SCN11A: variants seen among roughly 807,000 people sequenced by gnomAD.
SCN11A encodes sodium voltage-gated channel alpha subunit 11, also known as sodium channel protein type 11 subunit alpha.
A neutral mutation model predicts 162.2 loss-of-function variants in SCN11A; 122 were observed. The observed-to-expected ratio is 0.75, with a 90% confidence interval of 0.65 to 0.87. The LOEUF is 0.87. Among genes scored for constraint, SCN11A ranks in the 40% least tolerant of loss-of-function variants. SCN11A has a pLI of 0.00. For synonymous variants in SCN11A, 758 were observed against 751.5 expected (o/e 1.01, Z -0.14); for missense variants, 2,015 against 2,181.6 (o/e 0.92, Z 1.52).
chr3:38,990,229 C>T (rs35466074), intron 2 of SCN11A, among the ~76,000 whole-genome samples: 16,891 of 152,164 alleles, frequency 0.11, 987 homozygotes, highest in Admixed American at 0.15. Flanking sequence ...CACTCCATCT[C>T]GACTTATCCG....
intron 28 of SCN11A, among the ~76,000 whole-genome samples, chr3:38,857,962 C>A (rs1435643807): frequency 2.0e-5 from 3 of 152,088 alleles, no homozygotes; most frequent in Admixed American, 2.0e-4. Context: ...GAATTCATCA[C>A]CACCAAACCA....
chr3:38,919,781 T>C (rs1245573027), intron 11 of SCN11A, among the ~76,000 whole-genome samples, 154 bp downstream of exon 11: 1 of 152,238 alleles, frequency 6.6e-6, no homozygotes, highest in African/African-American at 2.4e-5. Flanking sequence ...TTTTTTAATT[T>C]AATAACACAA....
intron 2 of SCN11A, among the ~76,000 whole-genome samples, chr3:38,988,930 G>A (rs987582846): frequency 2.0e-5 from 3 of 152,178 alleles, no homozygotes; most frequent in Admixed American, 6.5e-5. Context: ...GAAAAAGGCA[G>A]TATGTGGTTT....
At chr3:38,848,780 T>G (rs1363626700) in intron 29 of SCN11A, among the ~76,000 whole-genome samples, 1 of 152,146 alleles carries the variant, frequency 6.6e-6, no homozygotes, top group African/African-American at 2.4e-5. Flanking sequence ...TTTCCCTATC[T>G]TTTTTTGGCA....
At chr3:39,017,144 C>A (rs1177242422) in intron 2 of SCN11A, among the ~76,000 whole-genome samples, 1 of 152,114 alleles carries the variant, frequency 6.6e-6, no homozygotes, top group Admixed American at 6.5e-5. Flanking sequence ...TAAAAATACA[C>A]AAGAGAGCTT....
At chr3:39,005,980 T>C (rs1369347162) in intron 2 of SCN11A, among the ~76,000 whole-genome samples, 1 of 152,242 alleles carries the variant, frequency 6.6e-6, no homozygotes, top group African/African-American at 2.4e-5. Context: ...AAAATAGTTA[T>C]CTTTCATCTT....
chr3:39,044,873 A>G (rs2032147324), intron 1 of SCN11A, among the ~76,000 whole-genome samples: 1 of 152,108 alleles, frequency 6.6e-6, no homozygotes, highest in Non-Finnish European at 1.5e-5. Flanking sequence ...AACAAAACAA[A>G]AAGTTTTTTG....
intron 2 of SCN11A, among the ~76,000 whole-genome samples, chr3:39,024,281 T>C (rs1404322738): frequency 6.6e-6 from 1 of 152,204 alleles, no homozygotes; most frequent in Non-Finnish European, 1.5e-5. Context: ...TAGTAGCAGA[T>C]AGACTGGGGA....
chr3:38,954,665 A>C (rs915039748), intron 3 of SCN11A, among the ~76,000 whole-genome samples: 5 of 152,254 alleles, frequency 3.3e-5, no homozygotes, highest in South Asian at 2.1e-4. Context: ...AAAACAAAAA[A>C]ACACACACAC....
chr3:38,921,455 A>G (rs2066051197), intron 9 of SCN11A, among the ~76,000 whole-genome samples, 200 bp from the exon 10 acceptor site: 1 of 152,204 alleles, frequency 6.6e-6, no homozygotes. Context: ...AAAGCAGTCA[A>G]CAAGTTTGAG....
chr3:38,956,861 G>A (rs912405930), intron 3 of SCN11A, among the ~76,000 whole-genome samples: 1 of 152,136 alleles, frequency 6.6e-6, no homozygotes, highest in Non-Finnish European at 1.5e-5. Context: ...CATTTAGAGA[G>A]TCAAGACACT....
chr3:38,946,456 T>C (rs2125573743), intron 6 of SCN11A, among the ~76,000 whole-genome samples: 1 of 152,334 alleles, frequency 6.6e-6, no homozygotes, highest in Non-Finnish European at 1.5e-5. Flanking sequence ...TACAACTCTT[T>C]AGGTGTCAGC....
chr3:38,889,590 G>A (rs1168156170), intron 19 of SCN11A, among the ~76,000 whole-genome samples: 2 of 151,796 alleles, frequency 1.3e-5, no homozygotes, highest in Non-Finnish European at 2.9e-5. Context: ...ACGAGGTCAG[G>A]AGATCGAGAC....
chr3:38,880,217 A>G, intron 22 of SCN11A, 94 bp from the exon 23 acceptor site: 1 of 826,250 alleles, frequency 1.2e-6, no homozygotes. Flanking sequence ...TATATGAATA[A>G]AAACTGGTAT....
intron 28 of SCN11A, among the ~76,000 whole-genome samples, chr3:38,859,311 G>T (rs1162113593): frequency 1.3e-5 from 2 of 151,756 alleles, no homozygotes; most frequent in East Asian, 3.8e-4. Context: ...ATCAAAATAA[G>T]CTCAATTAAA....
intron 20 of SCN11A, among the ~76,000 whole-genome samples, chr3:38,885,823 T>C (rs542184237): frequency 4.9e-4 from 75 of 152,298 alleles, no homozygotes; most frequent in Non-Finnish European, 8.7e-4. Flanking sequence ...AGGAGACATT[T>C]TGGCAATGTC....
chr3:38,853,975 C>A (rs1028510103), intron 28 of SCN11A, among the ~76,000 whole-genome samples: 5 of 152,118 alleles, frequency 3.3e-5, no homozygotes, highest in Non-Finnish European at 5.9e-5. Flanking sequence ...CCTGATAAAG[C>A]AGGATTCATA....
intron 2 of SCN11A, among the ~76,000 whole-genome samples, chr3:39,011,738 T>C (rs2031142678): frequency 6.6e-6 from 1 of 152,198 alleles, no homozygotes; most frequent in African/African-American, 2.4e-5. Flanking sequence ...TTTTCCTATA[T>C]TTCCAAGGTT....
intron 11 of SCN11A, among the ~76,000 whole-genome samples, chr3:38,917,850 C>T (rs1346422276): frequency 6.6e-6 from 1 of 152,078 alleles, no homozygotes; most frequent in Non-Finnish European, 1.5e-5. Flanking sequence ...CAGAAATTAC[C>T]ACTAAAGAAC....
Sources: allele counts gnomAD v4.1 joint callset (sites outside exome capture counted in the v4.1 genomes callset), GRCh38; gene constraint gnomAD v4.1.1; transcripts MANE v1.5; gene names NCBI Gene and HGNC (gene_info 2026-07-23, HGNC 2026-07-21).